The following VAV2 variants were observed in gnomAD, a reference collection of about 807,000 sequenced individuals.
The protein encoded by VAV2 is guanine nucleotide exchange factor VAV2.
A neutral mutation model predicts 132.5 loss-of-function variants in VAV2; 67 were observed. The observed-to-expected ratio is 0.51, with a 90% confidence interval of 0.42 to 0.62. The LOEUF (loss-of-function observed/expected upper bound fraction) is 0.62. VAV2 is among the 20% of genes least tolerant of loss of function. VAV2 has a pLI of 0.00. For synonymous variants in VAV2, 492 were observed against 443.5 expected (o/e 1.11, Z -1.37); for missense variants, 938 against 1,153.6 (o/e 0.81, Z 2.71).
chr9:133,874,222 G>A (rs2131911818), intron 2 of VAV2, among the ~76,000 whole-genome samples: 2 of 152,350 alleles, frequency 1.3e-5, no homozygotes, highest in Middle Eastern at 6.8e-3. Flanking sequence ...CAGCCTGCAA[G>A]GCCAGTAAAC....
intron 2 of VAV2, among the ~76,000 whole-genome samples, chr9:133,897,043 G>A (rs1839236094): frequency 6.6e-6 from 1 of 152,026 alleles, no homozygotes; most frequent in African/African-American, 2.4e-5. Context: ...GCAGTGAGCC[G>A]ACATCGTGCC....
rs1835878608 is a variant in VAV2, at chr9:133,823,677, T to C, written c.449+10595A>G. 6.6e-6 allele frequency among the ~76,000 whole-genome samples: 1 copy of C among 152,156 alleles called. No individual in the cohort carries two copies. The highest frequency in any genetic ancestry group is 6.5e-5 in the Admixed American group (1 of 15,280). ...GGGCCGAAGCCCAGCTGCCTACTCC[T>C]TCCTGGAAAATGGCAAGATGAATGC... On this transcript the variant is annotated intron_variant, in intron 4 of 29. Coordinates refer to ENST00000371850, the MANE Select transcript of VAV2 (RefSeq NM_001134398.2). The surrounding 1 kb of genome is among the most constrained non-coding windows in gnomAD (Gnocchi z 5.5).
chr9:133,787,328 G>C (rs1249520773), intron 15 of VAV2, 68 bp from the exon 16 acceptor site: 24 of 1,475,200 alleles, frequency 1.6e-5, no homozygotes, highest in Non-Finnish European at 2.2e-5. Context: ...CCCTGTGGTG[G>C]GTGCCGCAGT....
intron 3 of VAV2, among the ~76,000 whole-genome samples, chr9:133,843,417 G>A (rs1308792566): frequency 2.0e-5 from 3 of 152,130 alleles, no homozygotes; most frequent in African/African-American, 7.2e-5. Flanking sequence ...ATACTGTCCA[G>A]GCTGGTCTCA....
chr9:133,838,071 C>T (rs1024749324), intron 3 of VAV2, among the ~76,000 whole-genome samples: 4 of 152,234 alleles, frequency 2.6e-5, no homozygotes, highest in Admixed American at 6.5e-5. Flanking sequence ...TGGCCGCTGG[C>T]GCAGGAATAT....
chr9:133,770,543 AG>A (rs754839529), intron 26 of VAV2, 42 bp from the exon 27 acceptor site: 5 of 1,606,568 alleles, frequency 3.1e-6, no homozygotes, highest in Non-Finnish European at 4.3e-6. Context: ...TGCCACCTCC[AG>A]GAAGTCCTCC....
intron 9 of VAV2, 49 bp from the exon 10 acceptor site, chr9:133,797,858 C>A: frequency 6.3e-7 from 1 of 1,576,362 alleles, no homozygotes; most frequent in Middle Eastern, 1.7e-4. Flanking sequence ...TAATGAGCAG[C>A]TCGGGGCTGC....
rs1165781856 is a variant in VAV2 at position 133,797,822 on chromosome 9, C to T, written c.837-13G>A. 3.1e-6 allele frequency: 5 copies of T among 1,601,660 alleles called. No homozygotes were observed. The highest frequency in any genetic ancestry group is 4.3e-6 in the Non-Finnish European group (5 of 1,173,418). The stretch of plus-strand genomic sequence containing the variant: ...GTAGATCAGAAGCCTGGACGGTGCA[C>T]ACACACGCACACACGCACACAGATT... On this transcript the variant is annotated splice_polypyrimidine_tract_variant and intron_variant, in intron 9 of 29. Transcript: ENST00000371850.
Position 133,935,816 on chromosome 9 carries a change from C to T in VAV2, c.321+3287G>A, listed in dbSNP as rs1352312951. Among the ~76,000 whole-genome samples, 1 of 152,184 alleles carries T rather than the reference C, an allele frequency of 6.6e-6. No individual in the cohort carries two copies. The highest frequency in any genetic ancestry group is 1.9e-4 in the East Asian group (1 of 5,182). On this transcript the variant is annotated intron_variant, in intron 2 of 29. Transcript: ENST00000371850. The surrounding 1 kb of genome is among the most constrained non-coding windows in gnomAD (Gnocchi z 5.2). ...GGGCTGGCGGGGCCGAGGCCAGGCC[C>T]ACGCTGAAGGGCAAGTGCGGGTTCC...
intron 2 of VAV2, among the ~76,000 whole-genome samples, chr9:133,871,051 G>C (rs1838014172): frequency 6.7e-6 from 1 of 148,916 alleles, no homozygotes; most frequent in African/African-American, 2.5e-5. Flanking sequence ...CAGGTGGATA[G>C]ATGAGTGGGT....
chr9:133,909,633 G>A (rs748052958), intron 2 of VAV2, among the ~76,000 whole-genome samples: 2 of 140,938 alleles, frequency 1.4e-5, no homozygotes, highest in African/African-American at 2.6e-5. Flanking sequence ...CTGACAACAT[G>A]AACGCAGAGC....
Position 133,797,827 on chromosome 9 carries a change from A to C in VAV2, c.837-18T>G, listed in dbSNP as rs1395414031. ...TCAGAAGCCTGGACGGTGCACACACACGCACACACGCACACAGATTTAATG... is the reference window on the plus strand; with the variant it reads ...TCAGAAGCCTGGACGGTGCACACACCCGCACACACGCACACAGATTTAATG... On this transcript the variant is annotated intron_variant, in intron 9 of 29. Transcript: ENST00000371850. 6.2e-7 allele frequency: 1 copy of C among 1,603,466 alleles called. No individual in the cohort carries two copies. Among genetic ancestry groups the C allele is most frequent in the Non-Finnish European group, 8.5e-7 (1 of 1,174,398 alleles).
intron 1 of VAV2, among the ~76,000 whole-genome samples, chr9:133,970,479 G>A (rs57332343): frequency 0.038 from 5,826 of 152,250 alleles, 142 homozygotes; most frequent in Middle Eastern, 0.058. Context: ...GTTCTACAGA[G>A]GAGCCCACAG....
In VAV2 at chr9:133,883,637, C is replaced by T. The variant is rs1436578750; in HGVS notation, c.322-22205G>A. Among the ~76,000 whole-genome samples, 1 of 152,194 alleles carries T rather than the reference C, an allele frequency of 6.6e-6. No individual in the cohort carries two copies. Among genetic ancestry groups the T allele is most frequent in the Non-Finnish European group, 1.5e-5 (1 of 68,036 alleles). On this transcript the variant is annotated intron_variant, in intron 2 of 29. Coordinates refer to ENST00000371850, the MANE Select transcript of VAV2 (RefSeq NM_001134398.2). This position sits in a 1 kb window ranked among gnomAD's most constrained non-coding sequence, Gnocchi z 4.2. ...CAGGCAGGTTTCAGCTCGGCCGGAG[C>T]AGGCCCTCAGGCACTGGACCTGGGG...
At chr9:133,864,362 C>T (rs1315036019) in intron 2 of VAV2, among the ~76,000 whole-genome samples, 1 of 152,222 alleles carries the variant, frequency 6.6e-6, no homozygotes, top group Non-Finnish European at 1.5e-5. Flanking sequence ...GGCCTCTGTG[C>T]CATTCACCAA....
chr9:133,920,794 C>T (rs1177148926), intron 2 of VAV2, among the ~76,000 whole-genome samples: 7 of 152,138 alleles, frequency 4.6e-5, no homozygotes, highest in African/African-American at 9.7e-5. Flanking sequence ...CCTGACGACA[C>T]GGGGCCGCAC....
At chr9:133,780,076 G>T (rs755467933) in intron 20 of VAV2, 137 bp from the exon 21 acceptor site, 2 of 1,204,468 alleles carry the variant, frequency 1.7e-6, no homozygotes, top group Non-Finnish European at 2.4e-6. Context: ...GGGAGGAGAG[G>T]GACACTGTTC....
chr9:133,807,137 G>A (rs1250872191), intron 8 of VAV2, 121 bp downstream of exon 8: 23 of 1,173,022 alleles, frequency 2.0e-5, no homozygotes, highest in African/African-American at 4.7e-5. Flanking sequence ...CGGCCAGCAC[G>A]AGCCACCACG....
At chr9:133,800,526 C>A (rs1267260781) in intron 9 of VAV2, among the ~76,000 whole-genome samples, 8 of 152,230 alleles carry the variant, frequency 5.3e-5, no homozygotes, top group East Asian at 1.9e-4. Context: ...AGGCCCCGCA[C>A]CACTGCGGAC....
Sources: gnomAD v4.1 joint callset for allele counts (sites outside exome capture counted in the v4.1 genomes callset) on GRCh38, gnomAD v4.1.1 for gene constraint, Gnocchi (gnomAD v3.1) non-coding constraint, MANE v1.5 for transcripts, NCBI Gene and HGNC (gene_info 2026-07-23, HGNC 2026-07-21) for gene names.